ARMH3: variants seen among roughly 807,000 people sequenced by gnomAD.
ARMH3 encodes armadillo like helical domain containing 3.
Under a neutral mutation model 99.1 loss-of-function variants are expected in ARMH3, and 60 were observed. The observed-to-expected ratio is 0.61, with a 90% CI of 0.49 to 0.75. The LOEUF is 0.75. Among genes scored for constraint, ARMH3 ranks in the 30% least tolerant of loss-of-function variants. ARMH3 has a pLI of 0.00. For missense variants in ARMH3, 679 were observed against 843.1 expected, an observed-to-expected ratio of 0.81 and a Z score of 2.41; for synonymous variants, 285 against 292.8, an observed-to-expected ratio of 0.97 and a Z score of 0.27.
At position 101,939,923 on chromosome 10, in the gene ARMH3, G is replaced by C. The variant is rs1216510013; in HGVS notation, c.1721C>G (p.Thr574Ser). 1 of 1,613,662 alleles carries C rather than the reference G, an allele frequency of 6.2e-7. No individual in the cohort carries two copies. The highest frequency in any genetic ancestry group is 1.7e-5 in the Admixed American group (1 of 60,014). The change falls in exon 23 of 26, where the codon ACC (threonine) becomes AGC (serine). Residue 574 changes from threonine to serine, a missense_variant. Physicochemically the swap from Thr to Ser is moderately conservative, Grantham distance 58. Transcript: ENST00000370033. ...TGCTTCCTTCCACTGGCCTGCATTGGTAGAAAGCCTCAGGACTGCAAAGAA... is the reference window on the plus strand; with the variant it reads ...TGCTTCCTTCCACTGGCCTGCATTGCTAGAAAGCCTCAGGACTGCAAAGAA... ...NLYSMVLRLS[T>S]NAGQWKEAAS...
intron 4 of ARMH3, among the ~76,000 whole-genome samples, chr10:102,031,899 C>T (rs529271687): frequency 3.3e-5 from 5 of 152,256 alleles, no homozygotes; most frequent in South Asian, 2.1e-4. Context: ...CCACCACGCC[C>T]GGCTAATTTT....
intron 24 of ARMH3, among the ~76,000 whole-genome samples, chr10:101,883,985 C>A (rs910633101): frequency 6.6e-6 from 1 of 151,002 alleles, no homozygotes; most frequent in Admixed American, 6.6e-5. Flanking sequence ...AGAGGGAGAT[C>A]TCACACACAC....
intron 23 of ARMH3, among the ~76,000 whole-genome samples, chr10:101,898,050 G>T (rs1180561080): frequency 2.0e-5 from 3 of 152,106 alleles, no homozygotes; most frequent in Admixed American, 2.0e-4. Flanking sequence ...GATAAGCATG[G>T]AAATGTTCCT....
In ARMH3 at chr10:101,889,506, C is replaced by A. The variant is rs779003371; in HGVS notation, c.1782-16G>T. On this transcript the variant is annotated splice_polypyrimidine_tract_variant and intron_variant, in intron 23 of 25. Transcript: ENST00000370033. ...GATGATGGCTCTGAAACAAAGAATT[C>A]GTATTAATATGGTGCCAGATAGAAG... The A allele has an allele frequency of 6.3e-7, 1 of 1,597,164 alleles. No homozygotes were observed. Among genetic ancestry groups the A allele is most frequent in the Non-Finnish European group, 8.6e-7 (1 of 1,164,600 alleles).
At chr10:102,011,646 C>T (rs1385366496) in intron 11 of ARMH3, 77 bp downstream of exon 11, 16 of 1,245,480 alleles carry the variant, frequency 1.3e-5, no homozygotes, top group African/African-American at 7.7e-5. Context: ...ATCTGAACTT[C>T]GGAGCCCGAT....
chr10:101,929,309 T>G (rs1843628822), intron 23 of ARMH3, among the ~76,000 whole-genome samples: 1 of 152,240 alleles, frequency 6.6e-6, no homozygotes, highest in East Asian at 1.9e-4. Context: ...TGTGGGCTAT[T>G]AGCTCACCAA....
At chr10:102,003,088 A>G (rs1443136297) in intron 14 of ARMH3, among the ~76,000 whole-genome samples, 5 of 152,132 alleles carry the variant, frequency 3.3e-5, no homozygotes, top group African/African-American at 1.2e-4. Flanking sequence ...TCCCCCACCC[A>G]GTTCTCTGAG....
chr10:101,951,238 G>C (rs1844768613), intron 22 of ARMH3, among the ~76,000 whole-genome samples: 2 of 152,204 alleles, frequency 1.3e-5, no homozygotes, highest in South Asian at 4.1e-4. Flanking sequence ...CTATAGATTT[G>C]CCATAATCCC....
chr10:101,970,435 CT>C (rs1845715906), intron 20 of ARMH3, among the ~76,000 whole-genome samples: 1 of 152,192 alleles, frequency 6.6e-6, no homozygotes, highest in South Asian at 2.1e-4. Flanking sequence ...CATTGTGCTG[CT>C]TTTGGAGAAT....
intron 23 of ARMH3, among the ~76,000 whole-genome samples, chr10:101,915,928 G>A (rs575837707): frequency 7.3e-5 from 11 of 150,388 alleles, no homozygotes; most frequent in African/African-American, 1.7e-4. Context: ...CTCAGCCTCC[G>A]GAGTAGCTGG....
At chr10:102,003,218 AGTG>A (rs2066408336) in intron 14 of ARMH3, among the ~76,000 whole-genome samples, 1 of 151,646 alleles carries the variant, frequency 6.6e-6, no homozygotes, top group Non-Finnish European at 1.5e-5. Flanking sequence ...GCTAGAGTGC[AGTG>A]GTGCCATCTC....
intron 1 of ARMH3, among the ~76,000 whole-genome samples, chr10:102,050,979 C>G (rs1194621074): frequency 2.7e-5 from 4 of 150,766 alleles, no homozygotes; most frequent in African/African-American, 9.8e-5. Flanking sequence ...CATGGTGAAA[C>G]CCTGCCTCTA....
chr10:101,854,173 C>A (rs968174727), intron 24 of ARMH3, among the ~76,000 whole-genome samples: 2 of 152,084 alleles, frequency 1.3e-5, no homozygotes, highest in Non-Finnish European at 2.9e-5. Flanking sequence ...GGACTTCAGA[C>A]AATTCACCTA....
chr10:101,983,946 T>G (rs1280824428), intron 19 of ARMH3, among the ~76,000 whole-genome samples: 1 of 152,190 alleles, frequency 6.6e-6, no homozygotes, highest in African/African-American at 2.4e-5. Context: ...GGCTTCTGAT[T>G]GGCTTTGAAA....
At chr10:102,033,237 G>T in intron 3 of ARMH3, 46 bp downstream of exon 3, 1 of 1,613,168 alleles carries the variant, frequency 6.2e-7, no homozygotes, top group Non-Finnish European at 8.5e-7. Flanking sequence ...ATATGAGAAG[G>T]CAATTTTAGT....
chr10:101,976,756 A>G (rs1321700003), intron 19 of ARMH3, among the ~76,000 whole-genome samples: 3 of 152,144 alleles, frequency 2.0e-5, no homozygotes, highest in Non-Finnish European at 4.4e-5. Context: ...TTAGCTGGGC[A>G]TGGTGGCACA....
chr10:101,907,938 C>CAA (rs1458168880), intron 23 of ARMH3, among the ~76,000 whole-genome samples: 1 of 152,184 alleles, frequency 6.6e-6, no homozygotes, highest in Non-Finnish European at 1.5e-5. Context: ...CCTGCAGTAA[C>CAA]AAGTCAACCA....
chr10:102,023,477 C>T lies in ARMH3; in HGVS notation c.669G>A (p.Glu223=), dbSNP rs1353477638. The T allele has an allele frequency of 6.2e-7, 1 of 1,612,906 alleles. No individual in the cohort carries two copies. Among genetic ancestry groups the T allele is most frequent in the Non-Finnish European group, 8.5e-7 (1 of 1,179,098 alleles). The change falls in exon 8 of 26, where the codon GAG becomes GAA. Residue 223 remains glutamate (E), a splice_region_variant and synonymous_variant. Coordinates refer to ENST00000370033, the MANE Select transcript of ARMH3 (RefSeq NM_024541.3). ...ACTGTCCACTAAGGAGCCCAGTTACCTCATATTTTCTATAGTTCACCAGCA... is the reference window on the plus strand; with the variant it reads ...ACTGTCCACTAAGGAGCCCAGTTACTTCATATTTTCTATAGTTCACCAGCA... ...LALLVNYRKY[E]SVNPYIVKLS... is the part of the protein sequence containing the mutation.
chr10:101,977,318 A>AT (rs1217824888), intron 19 of ARMH3, among the ~76,000 whole-genome samples: 1 of 152,108 alleles, frequency 6.6e-6, no homozygotes, highest in African/African-American at 2.4e-5. Flanking sequence ...TACCAAAAAC[A>AT]TTTTTTTCAT....
Sources: gnomAD v4.1 joint callset for allele counts (sites outside exome capture counted in the v4.1 genomes callset) on GRCh38, gnomAD v4.1.1 for gene constraint, MANE v1.5 for transcripts, NCBI Gene and HGNC (gene_info 2026-07-23, HGNC 2026-07-21) for gene names.